RBFOX1: variants seen among roughly 807,000 people sequenced by gnomAD.
The protein encoded by RBFOX1 is RNA binding fox-1 homolog 1.
A neutral mutation model predicts 57.7 loss-of-function variants in RBFOX1; 8 were observed. That is an observed-to-expected ratio of 0.14 (90% confidence interval 0.08 to 0.25). The LOEUF is 0.25. RBFOX1 is among the 10% of genes least tolerant of loss of function. The pLI is 1.00. For synonymous variants in RBFOX1, 326 were observed against 222.4 expected (o/e 1.47, Z -4.15); for missense variants, 611 against 548.5 (o/e 1.11, Z -1.14).
In RBFOX1 at chr16:7,500,312, A is replaced by C. The variant is rs139239466; in HGVS notation, c.28-17835A>C. ...TTCAATTCTGTGAACATACTTACAA[A>C]GTAGTAGGAACTTCAATACTGTGTG... On this transcript the variant is annotated intron_variant, in intron 4 of 15. Coordinates refer to ENST00000550418, the MANE Select transcript of RBFOX1 (RefSeq NM_018723.4). 4.5e-3 allele frequency among the ~76,000 whole-genome samples: 689 copies of C among 152,276 alleles called. 3 individuals carry two copies. The highest frequency in any genetic ancestry group is 0.017 in the Middle Eastern group (5 of 294).
intron 4 of RBFOX1, among the ~76,000 whole-genome samples, chr16:7,083,771 T>G (rs118052666): frequency 0.011 from 1,636 of 152,130 alleles, 15 homozygotes; most frequent in Non-Finnish European, 0.016. Flanking sequence ...GAAGGCACCG[T>G]GCATGGGTCA....
chr16:6,618,481 C>T (rs139209828), intron 2 of RBFOX1, among the ~76,000 whole-genome samples: 1 of 152,218 alleles, frequency 6.6e-6, no homozygotes, highest in East Asian at 1.9e-4. Context: ...CACACACTTC[C>T]TGATGTTCAT....
At chr16:6,562,889 T>TCTTTCTTTC (rs1567694297) in intron 2 of RBFOX1, among the ~76,000 whole-genome samples, 43 of 142,928 alleles carry the variant, frequency 3.0e-4, no homozygotes, top group Admixed American at 2.9e-3. Context: ...TCTTTTTTTT[T>TCTTTCTTTC]TTTTTTTTTG....
chr16:5,993,095 G>C (rs919224241), intron 4 of RBFOX1, among the ~76,000 whole-genome samples: 2 of 152,112 alleles, frequency 1.3e-5, no homozygotes, highest in African/African-American at 2.4e-5. Context: ...GTACCATCCT[G>C]TCTAAAACTG....
rs112713268 is a variant in RBFOX1 at position 6,325,988 on chromosome 16, A to G, written c.-64+8931A>G. On this transcript the variant is annotated intron_variant, in intron 2 of 15. Transcript: ENST00000550418. ...TAAAATAATTATGTGCTGAGAAGGG[A>G]TGTCCTCTCCCACTGACTGACTTGT... Among the ~76,000 whole-genome samples, 1,161 of 152,304 alleles carry G rather than the reference A, an allele frequency of 7.6e-3. 11 individuals are homozygous for G. The highest frequency in any genetic ancestry group is 0.025 in the African/African-American group (1,026 of 41,576).
At chr16:7,710,336 A>G in intron 15 of RBFOX1, 5 of 1,249,200 alleles carry the variant, frequency 4.0e-6, no homozygotes, top group African/African-American at 1.6e-5. Context: ...TTATAAAAAA[A>G]TGAGACAGTG....
intron 4 of RBFOX1, among the ~76,000 whole-genome samples, chr16:5,975,123 A>G (rs4786795): frequency 0.44 from 66,263 of 152,106 alleles, 14,560 homozygotes; most frequent in Middle Eastern, 0.51. Flanking sequence ...TTTGATGCCT[A>G]TGTTGTTTAG....
At chr16:5,502,224 A>C (rs774632815) in intron 2 of RBFOX1, among the ~76,000 whole-genome samples, 6 of 152,138 alleles carry the variant, frequency 3.9e-5, no homozygotes, top group Non-Finnish European at 5.9e-5. Flanking sequence ...CAGAAGGATT[A>C]GAATATCCTC....
intron 4 of RBFOX1, among the ~76,000 whole-genome samples, chr16:7,455,096 A>G (rs1486451462): frequency 6.6e-6 from 1 of 152,174 alleles, no homozygotes; most frequent in Non-Finnish European, 1.5e-5. Flanking sequence ...AAACCAGACC[A>G]TTGTATTTTC....
intron 3 of RBFOX1, among the ~76,000 whole-genome samples, chr16:6,734,153 A>G (rs150811981): frequency 6.0e-4 from 91 of 152,252 alleles, no homozygotes; most frequent in Non-Finnish European, 9.9e-4. Context: ...CAACAGGTTT[A>G]TTTGACGTTT....
intron 2 of RBFOX1, among the ~76,000 whole-genome samples, chr16:6,395,082 G>T (rs1472932285): frequency 6.6e-6 from 1 of 152,188 alleles, no homozygotes; most frequent in Non-Finnish European, 1.5e-5. Context: ...TCAACATTAT[G>T]ACTCACAAGA....
intron 3 of RBFOX1, among the ~76,000 whole-genome samples, chr16:5,765,980 T>C (rs2053763019): frequency 1.3e-5 from 2 of 152,286 alleles, no homozygotes; most frequent in South Asian, 4.2e-4. Context: ...TCTGGGGTGC[T>C]CAGGTTGATT....
chr16:6,446,749 C>G (rs1247521880), intron 2 of RBFOX1, among the ~76,000 whole-genome samples: 1 of 152,060 alleles, frequency 6.6e-6, no homozygotes, highest in Non-Finnish European at 1.5e-5. Flanking sequence ...TATTCTAAAT[C>G]ATTTTATTTA....
intron 3 of RBFOX1, among the ~76,000 whole-genome samples, chr16:6,994,796 G>A (rs2092009209): frequency 6.6e-6 from 1 of 152,154 alleles, no homozygotes; most frequent in South Asian, 2.1e-4. Context: ...CGACCAAATT[G>A]CATGGAAACG....
intron 3 of RBFOX1, among the ~76,000 whole-genome samples, chr16:6,795,748 A>G (rs566355364): frequency 6.6e-6 from 1 of 151,330 alleles, no homozygotes; most frequent in Non-Finnish European, 1.5e-5. Context: ...CCTGGGTGAC[A>G]GAGTGAAACT....
At chr16:5,892,293 A>C (rs1470242316) in intron 4 of RBFOX1, among the ~76,000 whole-genome samples, 1 of 152,172 alleles carries the variant, frequency 6.6e-6, no homozygotes, top group African/African-American at 2.4e-5. Context: ...TTGGTGATTG[A>C]GCATGCTTAG....
At chr16:6,348,641 A>G (rs1185739759) in intron 2 of RBFOX1, among the ~76,000 whole-genome samples, 3 of 152,162 alleles carry the variant, frequency 2.0e-5, no homozygotes, top group African/African-American at 7.2e-5. Flanking sequence ...CGGAAGGCAA[A>G]GCAGGAGGAG....
chr16:6,612,849 C>CAAAAAAAAA (rs539098192), intron 2 of RBFOX1, among the ~76,000 whole-genome samples: 1 of 103,072 alleles, frequency 9.7e-6, no homozygotes, highest in African/African-American at 3.3e-5. Context: ...GACTCTCTCT[C>CAAAAAAAAA]AAAAAAAAAA....
intron 3 of RBFOX1, among the ~76,000 whole-genome samples, chr16:6,824,509 T>A (rs1055743256): frequency 6.6e-6 from 1 of 152,210 alleles, no homozygotes; most frequent in Non-Finnish European, 1.5e-5. Flanking sequence ...CTATATTTCA[T>A]TTTTTAAAAA....
Sources: gnomAD v4.1 joint callset for allele counts (sites outside exome capture counted in the v4.1 genomes callset) on GRCh38, gnomAD v4.1.1 for gene constraint, MANE v1.5 for transcripts, NCBI Gene and HGNC (gene_info 2026-07-23, HGNC 2026-07-21) for gene names.